NPLOC4: variants seen among roughly 807,000 people sequenced by gnomAD.
NPLOC4 encodes the protein NPL4 homolog, ubiquitin recognition factor.
Under a neutral mutation model 80.6 loss-of-function variants are expected in NPLOC4, and 18 were observed. The ratio of observed to expected loss-of-function variants is 0.22; its 90% CI spans 0.15 to 0.33. NPLOC4 has a LOEUF of 0.33. Among genes scored for constraint, NPLOC4 ranks in the 10% least tolerant of loss-of-function variants. NPLOC4 has a pLI of 1.00. For synonymous variants in NPLOC4, 313 were observed against 301.5 expected (o/e 1.04, Z -0.39); for missense variants, 540 against 786.1 (o/e 0.69, Z 3.74).
chr17:81,610,089 A>G (rs2035303180), intron 5 of NPLOC4, 121 bp downstream of exon 5: 1 of 777,692 alleles, frequency 1.3e-6, no homozygotes, highest in Non-Finnish European at 2.1e-6. Context: ...GGCAATAAAT[A>G]GGTAAGTTCT....
chr17:81,611,992 A>G (rs1459171651), intron 4 of NPLOC4, among the ~76,000 whole-genome samples: 1 of 151,920 alleles, frequency 6.6e-6, no homozygotes, highest in Non-Finnish European at 1.5e-5. Flanking sequence ...GTGTTAAATA[A>G]ATAATAACAA....
At chr17:81,631,469 C>A (rs1212660426) in intron 1 of NPLOC4, among the ~76,000 whole-genome samples, 2 of 100,336 alleles carry the variant, frequency 2.0e-5, no homozygotes, top group Admixed American at 2.2e-4. Flanking sequence ...TTTTCCCCCA[C>A]GGCAAGCCTA....
intron 3 of NPLOC4, among the ~76,000 whole-genome samples, chr17:81,615,277 T>G (rs926592316): frequency 6.6e-6 from 1 of 151,912 alleles, no homozygotes; most frequent in African/African-American, 2.4e-5. Context: ...TTTTTGTATT[T>G]TTAATAGAGA....
At chr17:81,576,103 G>A (rs969783307) in intron 12 of NPLOC4, among the ~76,000 whole-genome samples, 5 of 152,192 alleles carry the variant, frequency 3.3e-5, no homozygotes, top group African/African-American at 1.2e-4. Flanking sequence ...TAAGACATGA[G>A]GAGACACAGA....
chr17:81,596,585 A>T (rs1389338406), intron 10 of NPLOC4, among the ~76,000 whole-genome samples: 1 of 152,224 alleles, frequency 6.6e-6, no homozygotes, highest in African/African-American at 2.4e-5. Flanking sequence ...AAAATAAAAA[A>T]TAAGAACCAA....
In NPLOC4 at chr17:81,557,803, G is replaced by C. The variant is rs1219894329; in HGVS notation, c.*1456C>G. On this transcript the variant is annotated 3_prime_UTR_variant, in exon 17 of 17. Transcript: ENST00000331134. ...CCAGACCCAACCCAACTGGCCCCTG[G>C]TCCCAAGAGCAGATGAGCTGCTTGG... 1 of 152,278 alleles carries C rather than the reference G, an allele frequency of 6.6e-6. No individual in the cohort carries two copies. Among genetic ancestry groups the C allele is most frequent in the Non-Finnish European group, 1.5e-5 (1 of 68,114 alleles). The allele number at this position is 152,278 out of a possible 1,614,324, so 9.4% of individuals were successfully genotyped here.
chr17:81,623,640 T>C (rs1037811035), intron 2 of NPLOC4, among the ~76,000 whole-genome samples: 3 of 148,726 alleles, frequency 2.0e-5, no homozygotes, highest in African/African-American at 7.4e-5. Context: ...CTACTAAAAA[T>C]ACAAAAAATT....
Position 81,613,334 on chromosome 17 carries a change from T to C in NPLOC4, c.370A>G (p.Ser124Gly), listed in dbSNP as rs1413989441. The C allele has an allele frequency of 1.9e-6, 3 of 1,613,542 alleles. No homozygotes were observed. The highest frequency in any genetic ancestry group is 1.3e-5 in the African/African-American group (1 of 74,904). ...ATCACTTACAGCTGTGGGTCTCGGC[T>C]TCTGTAAATCTTCCCGTCCTGTTTG... ...LSKQDGKIYR[S>G]RDPQLCRHGP... Residue 124 changes from serine (S) to glycine (G), a missense_variant, in exon 4 of 17, where the codon AGC becomes GGC. By Grantham distance (56) the Ser-to-Gly change is moderately conservative. Around this residue, in one of 6 missense-constraint regions of NPLOC4, gnomAD observed 74 missense variants for 75.7 expected, o/e 0.98. Coordinates refer to ENST00000331134, the MANE Select transcript of NPLOC4 (RefSeq NM_017921.4).
At chr17:81,595,206 G>A (rs2034866913) in intron 11 of NPLOC4, among the ~76,000 whole-genome samples, 2 of 151,776 alleles carry the variant, frequency 1.3e-5, no homozygotes, top group South Asian at 4.2e-4. Context: ...AGAGGCCAAT[G>A]AGGGTGACTC....
intron 1 of NPLOC4, among the ~76,000 whole-genome samples, chr17:81,630,367 A>G (rs1462331445): frequency 1.3e-5 from 2 of 152,036 alleles, no homozygotes; most frequent in African/African-American, 2.4e-5. Context: ...AGCTTACTGC[A>G]GCCTTGACAT....
At chr17:81,610,674 C>CAAAGGCA (rs1555685322) in intron 4 of NPLOC4, among the ~76,000 whole-genome samples, 16 of 95,864 alleles carry the variant, frequency 1.7e-4, no homozygotes, top group Non-Finnish European at 2.9e-4. Context: ...CAAACCAGGC[C>CAAAGGCA]GGGCGCGGTG....
At chr17:81,598,039 G>A (rs1276915391) in intron 9 of NPLOC4, among the ~76,000 whole-genome samples, 2 of 147,812 alleles carry the variant, frequency 1.4e-5, no homozygotes, top group African/African-American at 2.5e-5. Flanking sequence ...AGCTTGCAGT[G>A]AGCCGAGATT....
chr17:81,594,394 G>C (rs1249238908), intron 11 of NPLOC4, among the ~76,000 whole-genome samples: 1 of 147,770 alleles, frequency 6.8e-6, no homozygotes, highest in East Asian at 2.0e-4. Context: ...CCCTCAAAAA[G>C]TATATTCATT....
intron 1 of NPLOC4, among the ~76,000 whole-genome samples, chr17:81,634,022 C>G (rs551578941): frequency 4.3e-4 from 66 of 151,772 alleles, no homozygotes; most frequent in African/African-American, 1.5e-3. Context: ...CGCCACCACG[C>G]CCGGTTAATT....
At chr17:81,629,991 A>G (rs1000021564) in intron 1 of NPLOC4, 186 bp from the exon 2 acceptor site, 6 of 536,756 alleles carry the variant, frequency 1.1e-5, no homozygotes, top group Middle Eastern at 3.0e-4. Context: ...ATTCATCAAC[A>G]TATGGGGAGA....
intron 12 of NPLOC4, among the ~76,000 whole-genome samples, chr17:81,586,749 T>C (rs568268100): frequency 1.3e-5 from 2 of 152,304 alleles, no homozygotes; most frequent in East Asian, 1.9e-4. Context: ...GAGACAAAGA[T>C]TTAAGGAAGA....
rs1033083380 is a variant in NPLOC4 at position 81,567,349 on chromosome 17, C to T, written c.1566+68G>A. On this transcript the variant is annotated intron_variant, in intron 15 of 16. Transcript: ENST00000331134. This position sits in a 1 kb window ranked among gnomAD's most constrained non-coding sequence, Gnocchi z 4.5. ...TGCTCTGGTCTGGGAGGAAAGAAAG[C>T]AAGACACAGGCGTCTCTTTGCAGCC... The T allele has an allele frequency of 2.1e-6, 2 of 942,868 alleles. No individual in the cohort carries two copies. Among genetic ancestry groups the T allele is most frequent in the Non-Finnish European group, 3.4e-6 (2 of 590,878 alleles). The allele number at this position is 942,868 out of a possible 1,614,324, so 58.4% of individuals were successfully genotyped here. A position where few individuals can be genotyped will look rare whatever the true frequency, so the allele number is the denominator to read the frequency against.
At chr17:81,597,163 G>C in intron 10 of NPLOC4, 82 bp downstream of exon 10, 1 of 958,600 alleles carries the variant, frequency 1.0e-6, no homozygotes, top group Non-Finnish European at 1.7e-6. Flanking sequence ...AACCAGCGGT[G>C]CAAAGAGACC....
intron 2 of NPLOC4, among the ~76,000 whole-genome samples, chr17:81,622,997 C>T (rs575894558): frequency 6.6e-6 from 1 of 151,520 alleles, no homozygotes; most frequent in African/African-American, 2.4e-5. Flanking sequence ...GAGTTCGAGA[C>T]CAGCCTGACC....
Sources: allele counts gnomAD v4.1 joint callset (sites outside exome capture counted in the v4.1 genomes callset), GRCh38; gene constraint gnomAD v4.1.1; regional missense constraint gnomAD v4.1.1; non-coding constraint Gnocchi (gnomAD v3.1); transcripts MANE v1.5; gene names NCBI Gene and HGNC (gene_info 2026-07-23, HGNC 2026-07-21).